The following CD247 variants were observed in gnomAD, a reference collection of about 807,000 sequenced individuals.
CD247 encodes CD247 molecule.
CD247 carries 13 observed loss-of-function variants against 30.0 expected under a neutral mutation model. The ratio of observed to expected loss-of-function variants is 0.43; its 90% CI spans 0.28 to 0.69. CD247 has a LOEUF of 0.69. CD247 is among the 30% of genes least tolerant of loss of function. The pLI, the probability that CD247 is intolerant of heterozygous loss-of-function variation, is 0.16. For synonymous variants in CD247, 72 were observed against 80.0 expected (o/e 0.90, Z 0.53); for missense variants, 193 against 212.6 (o/e 0.91, Z 0.57).
At chr1:167,471,817 C>T (rs1272819241) in intron 1 of CD247, among the ~76,000 whole-genome samples, 2 of 140,336 alleles carry the variant, frequency 1.4e-5, no homozygotes, top group Non-Finnish European at 1.6e-5. Flanking sequence ...TTTTTTTTTT[C>T]TTTCTGTTTC....
At chr1:167,467,474 G>A (rs1269680723) in intron 1 of CD247, among the ~76,000 whole-genome samples, 1 of 152,206 alleles carries the variant, frequency 6.6e-6, no homozygotes, top group African/African-American at 2.4e-5. Flanking sequence ...TTTCCAGCCT[G>A]CTTCTTTGCC....
At chr1:167,496,261 G>GT (rs1458818718) in intron 1 of CD247, among the ~76,000 whole-genome samples, 1 of 152,218 alleles carries the variant, frequency 6.6e-6, no homozygotes, top group East Asian at 1.9e-4. Context: ...TCACAGTAGT[G>GT]TTCCCAGAAG....
chr1:167,506,218 CTTTT>C (rs777482932), intron 1 of CD247, among the ~76,000 whole-genome samples: 4 of 99,036 alleles, frequency 4.0e-5, no homozygotes, highest in African/African-American at 1.8e-4. Context: ...CGCCATCTTT[CTTTT>C]TTCTTTTCTT....
chr1:167,489,893 A>G (rs959158541), intron 1 of CD247, among the ~76,000 whole-genome samples: 2 of 152,130 alleles, frequency 1.3e-5, no homozygotes, highest in African/African-American at 4.8e-5. Context: ...AAGATTGAAT[A>G]CCACCCAGTT....
Position 167,440,773 on chromosome 1 carries a change from C to T in CD247, c.59-6G>A, listed in dbSNP as rs1352086655. ...CAGGCCAAAGCTCTGTGCCTCTGTG[C>T]CAAGAGATAAAGCTGGTCAGCCAGG... On this transcript the variant is annotated splice_region_variant and splice_polypyrimidine_tract_variant and intron_variant, in intron 1 of 7. Transcript: ENST00000362089. 6.2e-7 allele frequency: 1 copy of T among 1,604,028 alleles called. No individual in the cohort carries two copies. The highest frequency in any genetic ancestry group is 2.2e-5 in the East Asian group (1 of 44,834).
rs541782325 is a variant in CD247 at position 167,440,292 on chromosome 1, A to G, written c.162+372T>C. On this transcript the variant is annotated intron_variant, in intron 2 of 7. Coordinates refer to ENST00000362089, the MANE Select transcript of CD247 (RefSeq NM_198053.3). ...CAGCTCCCCAGTTACAGATGAGGAA[A>G]GGGCCTTTTCAAGAGAAAGGCTAAC... 202 of 331,414 alleles carry G rather than the reference A, an allele frequency of 6.1e-4. 1 individual carries two copies. The highest frequency in any genetic ancestry group is 4.1e-3 in the African/African-American group (193 of 47,006). The allele number at this position is 331,414 out of a possible 1,614,324, so 20.5% of individuals were successfully genotyped here.
chr1:167,459,348 CTTT>C (rs34706916), intron 1 of CD247, among the ~76,000 whole-genome samples: 16 of 80,420 alleles, frequency 2.0e-4, no homozygotes, highest in Admixed American at 5.9e-4. Flanking sequence ...CCTTACAACT[CTTT>C]TTTTTTTTTT....
chr1:167,433,569 A>T (rs549511668), intron 6 of CD247, among the ~76,000 whole-genome samples: 108 of 152,196 alleles, frequency 7.1e-4, no homozygotes, highest in Non-Finnish European at 1.4e-3. Flanking sequence ...AAATAAAACT[A>T]CAGAGAACCC....
chr1:167,434,877 C>T lies in CD247; in HGVS notation c.336+522G>A, dbSNP rs147749595. ...GGAAGGTCTGGACAGACAAAGACCA[C>T]AGAGTGAGGAGCAACCGCCTTCCTC... is the stretch of plus-strand genomic sequence containing the variant. On this transcript the variant is annotated intron_variant, in intron 5 of 7. Coordinates refer to ENST00000362089, the MANE Select transcript of CD247 (RefSeq NM_198053.3). 19 of 466,074 alleles carry T rather than the reference C, an allele frequency of 4.1e-5. No homozygotes were observed. In the East Asian group the frequency reaches 1.1e-3, roughly 27 times the overall value. The allele number at this position is 466,074 out of a possible 1,614,324, so 28.9% of individuals were successfully genotyped here.
At chr1:167,452,147 C>T (rs1652376415) in intron 1 of CD247, among the ~76,000 whole-genome samples, 1 of 152,198 alleles carries the variant, frequency 6.6e-6, no homozygotes, top group African/African-American at 2.4e-5. Context: ...ATTGCTTGAA[C>T]TTGGGAGGCA....
rs186776335 is a variant in CD247, at chr1:167,466,995, G to A, written c.59-26228C>T. Among the ~76,000 whole-genome samples the A allele has an allele frequency of 4.8e-3, 724 of 152,250 alleles. 4 individuals are homozygous for A. Among genetic ancestry groups the A allele is most frequent in the African/African-American group, 0.015 (605 of 41,544 alleles). The stretch of plus-strand genomic sequence containing the variant: ...GCTGGGACTACAGGCGCCCGCCACC[G>A]CGCCCTGCTAATTTTTTGTATTTTT... On this transcript the variant is annotated intron_variant, in intron 1 of 7. Coordinates refer to ENST00000362089, the MANE Select transcript of CD247 (RefSeq NM_198053.3).
intron 7 of CD247, among the ~76,000 whole-genome samples, chr1:167,432,132 A>C (rs936425009): frequency 6.6e-6 from 1 of 152,210 alleles, no homozygotes; most frequent in South Asian, 2.1e-4. Context: ...TGCTCCAGAG[A>C]ATCTGCTGTC....
intron 5 of CD247, chr1:167,434,564 G>A: frequency 2.8e-6 from 1 of 359,080 alleles, no homozygotes; most frequent in Non-Finnish European, 5.5e-6. Context: ...GACAATCAGG[G>A]TTCAGGGTCA....
chr1:167,471,849 T>C (rs78510627), intron 1 of CD247, among the ~76,000 whole-genome samples: 1 of 143,660 alleles, frequency 7.0e-6, no homozygotes, highest in Non-Finnish European at 1.5e-5. Context: ...TTTTTTTTTT[T>C]TGAGACTGAG....
intron 1 of CD247, among the ~76,000 whole-genome samples, chr1:167,461,442 G>C (rs1042639466): frequency 1.1e-4 from 16 of 152,226 alleles, no homozygotes; most frequent in Admixed American, 5.2e-4. Flanking sequence ...TACAGCAACT[G>C]TTAGCAGTGG....
intron 7 of CD247, among the ~76,000 whole-genome samples, chr1:167,432,518 G>A (rs576265427): frequency 5.3e-5 from 8 of 152,306 alleles, no homozygotes; most frequent in African/African-American, 1.2e-4. Flanking sequence ...TAGTTTGACC[G>A]TGCTTAGTTT....
chr1:167,434,157 G>C, intron 5 of CD247, 81 bp from the exon 6 acceptor site: 1 of 1,339,812 alleles, frequency 7.5e-7, no homozygotes, highest in South Asian at 1.2e-5. Context: ...GAAGCTTCTT[G>C]ATCCCCAAGT....
rs79577673 is a variant in CD247, at chr1:167,472,149, G to C, written c.59-31382C>G. 2.5e-3 allele frequency among the ~76,000 whole-genome samples: 375 copies of C among 152,220 alleles called. 4 individuals carry two copies. The highest frequency in any genetic ancestry group is 8.6e-3 in the African/African-American group (359 of 41,528). ...GTGTCCAGCCCTAAATGATTTCTAA[G>C]AGCGTGTTACATATTAAGGATTCAT... On this transcript the variant is annotated intron_variant, in intron 1 of 7. Transcript: ENST00000362089.
intron 1 of CD247, among the ~76,000 whole-genome samples, chr1:167,470,816 C>T (rs1196931137): frequency 6.6e-6 from 1 of 151,098 alleles, no homozygotes; most frequent in Non-Finnish European, 1.5e-5. Context: ...TATTATAGTG[C>T]TGCAGTCAAC....
Sources: gnomAD v4.1 joint callset for allele counts (sites outside exome capture counted in the v4.1 genomes callset) on GRCh38, gnomAD v4.1.1 for gene constraint, MANE v1.5 for transcripts, NCBI Gene and HGNC (gene_info 2026-07-23, HGNC 2026-07-21) for gene names.